The following SPOP variants were observed in gnomAD, a reference collection of about 807,000 sequenced individuals.
SPOP encodes speckle type BTB/POZ protein, also known as speckle-type POZ protein.
Under a neutral mutation model 45.6 loss-of-function variants are expected in SPOP, and 11 were observed. The ratio of observed to expected loss-of-function variants is 0.24; its 90% confidence interval spans 0.15 to 0.40. SPOP has a LOEUF of 0.40. Ranked by LOEUF, SPOP falls within the 10% of genes least tolerant of loss-of-function variation. The pLI is 1.00. For missense variants in SPOP, 152 were observed against 465.6 expected, an observed-to-expected ratio of 0.33 and a Z score of 6.20; for synonymous variants, 166 against 166.3, an observed-to-expected ratio of 1.00 and a Z score of 0.01.
At chr17:49,671,859 G>A (rs938507560) in intron 1 of SPOP, among the ~76,000 whole-genome samples, 2 of 152,098 alleles carry the variant, frequency 1.3e-5, no homozygotes, top group African/African-American at 4.8e-5. Context: ...CACAAAAATT[G>A]GCTGGGCAGG....
chr17:49,668,726 T>C (rs1193062571), intron 1 of SPOP, among the ~76,000 whole-genome samples: 1 of 151,814 alleles, frequency 6.6e-6, no homozygotes, highest in African/African-American at 2.4e-5. Flanking sequence ...TATACACACA[T>C]ATATATTGAC....
At chr17:49,623,642 T>C (rs114620345) in intron 1 of SPOP, among the ~76,000 whole-genome samples, 1,655 of 152,254 alleles carry the variant, frequency 0.011, 34 homozygotes, top group African/African-American at 0.038. Flanking sequence ...CCTCAACCCA[T>C]TGCTGGCTGC....
intron 1 of SPOP, among the ~76,000 whole-genome samples, chr17:49,664,276 C>G (rs1416284246): frequency 6.6e-6 from 1 of 152,156 alleles, no homozygotes; most frequent in African/African-American, 2.4e-5. Flanking sequence ...GCCATATTTT[C>G]TTTGGGTACT....
intron 7 of SPOP, 67 bp from the exon 8 acceptor site, chr17:49,607,439 C>A: frequency 1.3e-6 from 2 of 1,560,446 alleles, no homozygotes; most frequent in Non-Finnish European, 1.7e-6. Context: ...AAACTATTTT[C>A]ATGATTTTAA....
intron 2 of SPOP, 21 bp downstream of exon 2, chr17:49,622,712 A>G (rs1227925667): frequency 6.2e-7 from 1 of 1,610,334 alleles, no homozygotes; most frequent in Non-Finnish European, 8.5e-7. Context: ...CAAGATTCAC[A>G]GGCTGAAAAC....
rs1033948797 is a variant in SPOP, at chr17:49,628,544, G to A, written c.-66-5668C>T. On this transcript the variant is annotated intron_variant, in intron 1 of 9. Transcript: ENST00000504102. ...AGACAGAAGGACAAAAAAAAAAAAT[G>A]AATTACAGGTTGAGTATCCCTGCTC... Among the ~76,000 whole-genome samples the A allele has an allele frequency of 4.1e-4, 62 of 151,484 alleles. 1 individual carries two copies. The highest frequency in any genetic ancestry group is 2.1e-4 in the Non-Finnish European group (14 of 67,908).
intron 1 of SPOP, among the ~76,000 whole-genome samples, chr17:49,677,106 A>G (rs755033202): frequency 2.6e-5 from 4 of 152,252 alleles, no homozygotes; most frequent in Non-Finnish European, 4.4e-5. Flanking sequence ...CTGCGAATTA[A>G]GAATTTTACT....
chr17:49,637,002 C>G (rs2072553967), intron 1 of SPOP, among the ~76,000 whole-genome samples: 1 of 152,004 alleles, frequency 6.6e-6, no homozygotes, highest in Admixed American at 6.6e-5. Flanking sequence ...CACTTGAGGC[C>G]AGAAGTTCAA....
At chr17:49,665,649 GACAC>G (rs71352530) in intron 1 of SPOP, among the ~76,000 whole-genome samples, 2,620 of 126,750 alleles carry the variant, frequency 0.021, 82 homozygotes, top group African/African-American at 0.066. Flanking sequence ...TATATATACA[GACAC>G]ACACACACAC....
At chr17:49,669,928 C>T (rs1453122583) in intron 1 of SPOP, among the ~76,000 whole-genome samples, 4 of 151,368 alleles carry the variant, frequency 2.6e-5, no homozygotes, top group Admixed American at 6.6e-5. Context: ...ATACATTTTT[C>T]CTCTTACAAA....
chr17:49,649,921 G>A (rs1415587242), intron 1 of SPOP, among the ~76,000 whole-genome samples: 17 of 151,748 alleles, frequency 1.1e-4, no homozygotes, highest in African/African-American at 3.6e-4. Flanking sequence ...ACGGAGTTTC[G>A]CTTCTTGTTG....
intron 8 of SPOP, among the ~76,000 whole-genome samples, chr17:49,603,168 C>G (rs58630133): frequency 0.028 from 4,321 of 151,952 alleles, 201 homozygotes; most frequent in African/African-American, 0.098. Context: ...ACTGTGATCT[C>G]CTGCAGCAAA....
At chr17:49,678,142 C>T (rs947786168), upstream of SPOP, 1 of 395,304 alleles carries the variant, frequency 2.5e-6, no homozygotes, top group Non-Finnish European at 4.5e-6. Context: ...CGCCAGACCC[C>T]ACCCCGCGCG....
intron 1 of SPOP, among the ~76,000 whole-genome samples, chr17:49,663,161 C>T (rs1337284393): frequency 1.3e-5 from 2 of 152,160 alleles, no homozygotes; most frequent in African/African-American, 4.8e-5. Flanking sequence ...GGTGGACGGG[C>T]GAGCAAGCAT....
chr17:49,618,894 C>T (rs1408220321), intron 5 of SPOP, 87 bp downstream of exon 5: 1 of 1,472,396 alleles, frequency 6.8e-7, no homozygotes, highest in Admixed American at 2.2e-5. Flanking sequence ...CTTTTTCTTA[C>T]TCTACATCCC....
rs2072247521 is a variant in SPOP, at chr17:49,622,867, C to T, written c.-57G>A. ...AGTCAGGGGGCAAAGATTTCTGTTC[C>T]CTCTTCACCCTGGTCAGATCCAAGA... On this transcript the variant is annotated 5_prime_UTR_variant, in exon 2 of 10. Transcript: ENST00000504102. 5 of 1,355,162 alleles carry T rather than the reference C, an allele frequency of 3.7e-6. No homozygotes were observed. Among genetic ancestry groups the T allele is most frequent in the East Asian group, 4.6e-5 (2 of 43,678 alleles). The allele number at this position is 1,355,162 out of a possible 1,614,324, so 83.9% of individuals were successfully genotyped here. A position where few individuals can be genotyped will look rare whatever the true frequency, so the allele number is the denominator to read the frequency against.
chr17:49,655,817 A>C (rs933505965), intron 1 of SPOP, among the ~76,000 whole-genome samples: 11 of 152,160 alleles, frequency 7.2e-5, no homozygotes, highest in Non-Finnish European at 1.0e-4. Context: ...GAATGAAAAA[A>C]ATTTTTTTTT....
chr17:49,615,033 T>A (rs1366272718), intron 5 of SPOP, among the ~76,000 whole-genome samples: 3 of 151,832 alleles, frequency 2.0e-5, no homozygotes, highest in Admixed American at 1.3e-4. Context: ...TAATTTTTAA[T>A]TTTTTTGTAG....
chr17:49,662,579 C>G (rs978133181), intron 1 of SPOP, among the ~76,000 whole-genome samples: 2 of 151,580 alleles, frequency 1.3e-5, no homozygotes, highest in East Asian at 3.9e-4. Context: ...CCCAGCTACT[C>G]GGGAGGTTGA....
Sources: gnomAD v4.1 joint callset for allele counts (sites outside exome capture counted in the v4.1 genomes callset) on GRCh38, gnomAD v4.1.1 for gene constraint, MANE v1.5 for transcripts, NCBI Gene and HGNC (gene_info 2026-07-23, HGNC 2026-07-21) for gene names.